SYNPO2: variants seen among roughly 807,000 people sequenced by gnomAD.
The protein encoded by SYNPO2 is synaptopodin 2.
Under a neutral mutation model 85.0 loss-of-function variants are expected in SYNPO2, and 56 were observed. The ratio of observed to expected loss-of-function variants is 0.66; its 90% CI spans 0.53 to 0.82. SYNPO2 has a LOEUF of 0.82. Ranked by LOEUF, SYNPO2 falls within the 40% of genes least tolerant of loss-of-function variation. The pLI, the probability that SYNPO2 is intolerant of heterozygous loss-of-function variation, is 0.00. For missense variants in SYNPO2, 1,575 were observed against 1,534.2 expected, an observed-to-expected ratio of 1.03 and a Z score of -0.44; for synonymous variants, 602 against 591.1, an observed-to-expected ratio of 1.02 and a Z score of -0.27.
At chr4:118,922,315 T>C (rs1733568318) in intron 1 of SYNPO2, among the ~76,000 whole-genome samples, 1 of 152,092 alleles carries the variant, frequency 6.6e-6, no homozygotes, top group Admixed American at 6.5e-5. Flanking sequence ...TTTCTTTCCC[T>C]GAAGAAATCC....
At position 118,921,248 on chromosome 4, in the gene SYNPO2, G is replaced by C. The variant is rs375814593; in HGVS notation, c.105+32107G>C. Among the ~76,000 whole-genome samples, 18 of 152,192 alleles carry C rather than the reference G, an allele frequency of 1.2e-4. 1 individual carries two copies. The highest frequency in any genetic ancestry group is 4.6e-4 in the Admixed American group (7 of 15,286). ...CCTAGTCCTTAAATGTTGGTATTCT[G>C]TAGGATTTCATGGTCAGTCCACTGT... On this transcript the variant is annotated intron_variant, in intron 1 of 4. Transcript: ENST00000307142.
chr4:118,878,274 C>G (rs915384994), intron 1 of SYNPO2, among the ~76,000 whole-genome samples: 1 of 152,044 alleles, frequency 6.6e-6, no homozygotes, highest in Non-Finnish European at 1.5e-5. Context: ...ACCTGGGTGA[C>G]AAAATAATCT....
rs577384222 is a variant in SYNPO2, at chr4:118,891,083, A to G, written c.105+1942A>G. On this transcript the variant is annotated intron_variant, in intron 1 of 4. Coordinates refer to ENST00000307142, the MANE Select transcript of SYNPO2 (RefSeq NM_133477.3). Reference sequence around the variant, plus strand: ...ATTGCTAGGAAAGGGTGCTGTGGAGATTCTCTGCTAATGGCATCTCTATTT... The same window carrying G: ...ATTGCTAGGAAAGGGTGCTGTGGAGGTTCTCTGCTAATGGCATCTCTATTT... Among the ~76,000 whole-genome samples, 107 of 152,100 alleles carry G rather than the reference A, an allele frequency of 7.0e-4. No homozygotes were observed. In the South Asian group the frequency reaches 0.022, roughly 31 times the overall value.
chr4:118,988,830 C>T (rs990845085), intron 1 of SYNPO2, among the ~76,000 whole-genome samples: 1 of 152,168 alleles, frequency 6.6e-6, no homozygotes, highest in Admixed American at 6.5e-5. Context: ...GGAGCCTCCA[C>T]AGGAAACATG....
At chr4:118,895,989 T>C (rs1194085644) in intron 1 of SYNPO2, among the ~76,000 whole-genome samples, 2 of 152,218 alleles carry the variant, frequency 1.3e-5, no homozygotes, top group Non-Finnish European at 2.9e-5. Flanking sequence ...GATAAAGTTT[T>C]ATAATTCTCA....
chr4:118,996,121 C>T (rs1736585318), intron 1 of SYNPO2, among the ~76,000 whole-genome samples: 1 of 152,234 alleles, frequency 6.6e-6, no homozygotes, highest in African/African-American at 2.4e-5. Flanking sequence ...TCATCTCTCT[C>T]ATGACTCTCT....
At chr4:118,940,893 G>T (rs1734290952) in intron 1 of SYNPO2, among the ~76,000 whole-genome samples, 1 of 104,564 alleles carries the variant, frequency 9.6e-6, no homozygotes, top group Non-Finnish European at 2.1e-5. Context: ...GTTGATTCAT[G>T]TTGGTGCTCC....
intron 1 of SYNPO2, among the ~76,000 whole-genome samples, chr4:118,927,615 T>C (rs556688464): frequency 6.6e-6 from 1 of 152,154 alleles, no homozygotes; most frequent in South Asian, 2.1e-4. Flanking sequence ...TTTCAAAACT[T>C]TGGAGAGTGT....
At position 118,921,148 on chromosome 4, in the gene SYNPO2, C is replaced by T. The variant is rs374592957; in HGVS notation, c.105+32007C>T. Among the ~76,000 whole-genome samples the T allele has an allele frequency of 6.2e-4, 94 of 152,228 alleles. 1 individual carries two copies. The South Asian group carries it at 8.3e-3, about 13-fold the overall frequency. ...TCTTGAACTCCTGGCCTCAACAGATCCTCCCACCTTGGGCTCCCAAAGTGC... is the reference window on the plus strand; with the variant it reads ...TCTTGAACTCCTGGCCTCAACAGATTCTCCCACCTTGGGCTCCCAAAGTGC... On this transcript the variant is annotated intron_variant, in intron 1 of 4. Coordinates refer to ENST00000307142, the MANE Select transcript of SYNPO2 (RefSeq NM_133477.3).
At chr4:119,011,127 C>G (rs186143810) in intron 1 of SYNPO2, among the ~76,000 whole-genome samples, 43 of 152,322 alleles carry the variant, frequency 2.8e-4, no homozygotes, top group Middle Eastern at 6.8e-3. Context: ...TGGCATGACC[C>G]TGATTTCCCT....
chr4:118,864,105 CT>C (rs1317744054), intron 1 of SYNPO2, among the ~76,000 whole-genome samples: 2 of 138,308 alleles, frequency 1.4e-5, no homozygotes, highest in East Asian at 3.9e-4. Flanking sequence ...ATAAACTTTC[CT>C]CTTAGTACTG....
chr4:118,995,994 G>A (rs371606108), intron 1 of SYNPO2, among the ~76,000 whole-genome samples: 2 of 151,666 alleles, frequency 1.3e-5, no homozygotes, highest in Non-Finnish European at 2.9e-5. Context: ...AACACAATCC[G>A]ATCCAGGCTC....
chr4:118,987,877 G>T (rs1165074270), intron 1 of SYNPO2, among the ~76,000 whole-genome samples: 1 of 152,066 alleles, frequency 6.6e-6, no homozygotes, highest in African/African-American at 2.4e-5. Context: ...TATAAGATGT[G>T]TATAATCATT....
At chr4:119,037,181 T>C in intron 4 of SYNPO2, 1 of 1,545,820 alleles carries the variant, frequency 6.5e-7, no homozygotes. Context: ...CCTTTCTTCC[T>C]CTACCTGATA....
chr4:119,024,478 A>G (rs576227813), intron 2 of SYNPO2, among the ~76,000 whole-genome samples: 77 of 152,248 alleles, frequency 5.1e-4, no homozygotes, highest in African/African-American at 1.7e-3. Flanking sequence ...TCTGCTAATC[A>G]TTCAGTATGA....
At chr4:118,894,741 A>G (rs1732494656) in intron 1 of SYNPO2, among the ~76,000 whole-genome samples, 1 of 152,166 alleles carries the variant, frequency 6.6e-6, no homozygotes, top group Non-Finnish European at 1.5e-5. Context: ...ATATTCTGAC[A>G]GTAATATTCA....
At chr4:118,894,554 G>A (rs77747070) in intron 1 of SYNPO2, among the ~76,000 whole-genome samples, 1 of 71,576 alleles carries the variant, frequency 1.4e-5, no homozygotes, top group African/African-American at 4.3e-5. Flanking sequence ...GGGGAACGTC[G>A]GGGGAACGTC....
chr4:118,887,970 G>A (rs1732237255), upstream of SYNPO2, among the ~76,000 whole-genome samples: 1 of 152,240 alleles, frequency 6.6e-6, no homozygotes, highest in African/African-American at 2.4e-5. Flanking sequence ...TGTCCTTTTT[G>A]TACATTTTTG....
intron 1 of SYNPO2, among the ~76,000 whole-genome samples, chr4:119,022,414 C>T (rs1737754955): frequency 6.6e-6 from 1 of 151,842 alleles, no homozygotes; most frequent in African/African-American, 2.4e-5. Context: ...CTCACTGCAA[C>T]CTCCACCTCC....
Sources: allele counts gnomAD v4.1 joint callset (sites outside exome capture counted in the v4.1 genomes callset), GRCh38; gene constraint gnomAD v4.1.1; transcripts MANE v1.5; gene names NCBI Gene and HGNC (gene_info 2026-07-23, HGNC 2026-07-21).